PTCHD1: variants seen among roughly 807,000 people sequenced by gnomAD.
The protein encoded by PTCHD1 is patched domain containing 1.
In PTCHD1, 3 loss-of-function variants were observed where a neutral mutation model predicts 34.6. The ratio of observed to expected loss-of-function variants is 0.09; its 90% CI spans 0.04 to 0.22. The LOEUF is 0.22. Ranked by LOEUF, PTCHD1 falls within the 10% of genes least tolerant of loss-of-function variation. The pLI is 1.00. For missense variants in PTCHD1, 504 were observed against 685.5 expected (o/e 0.74, Z 2.96); for synonymous variants, 305 against 283.1 (o/e 1.08, Z -0.77).
At chrX:23,344,694 A>G (rs1436842856) in intron 1 of PTCHD1, among the ~76,000 whole-genome samples, 1 of 111,674 alleles carries the variant, frequency 9.0e-6, no homozygotes, top group Non-Finnish European at 1.9e-5. Context: ...CAGCACACCA[A>G]CGTGGTTCCT....
chrX:23,380,153 T>C lies in PTCHD1; in HGVS notation c.914T>C (p.Val305Ala), dbSNP rs1448151646. 8 of 1,211,478 alleles carry C rather than the reference T, an allele frequency of 6.6e-6. No individual in the cohort carries two copies. The highest frequency in any genetic ancestry group is 8.9e-6 in the Non-Finnish European group (8 of 895,267). The change falls in exon 2 of 3, where the codon GTG (valine) becomes GCG (alanine). Residue 305 changes from valine to alanine, a missense_variant. Coordinates refer to ENST00000379361, the MANE Select transcript of PTCHD1 (RefSeq NM_173495.3). The stretch of plus-strand genomic sequence containing the variant: ...CCCTGGCTAGGCCTGCTCGGATTGG[T>C]GACCATAAGCCTGGCCACTCTCACT... ...SKPWLGLLGL[V>A]TISLATLTAA...
chrX:23,351,411 T>C, intron 1 of PTCHD1: 1 of 598,954 alleles, frequency 1.7e-6, no homozygotes, highest in South Asian at 2.3e-5. Flanking sequence ...ACGAAAACTT[T>C]CAAAGATGAC....
chrX:23,397,898 A>G lies in PTCHD1; in HGVS notation c.*3713A>G, dbSNP rs1923029771. ...CCTCATAATGGCTTTATTCTTTTGG[A>G]TCCTATTAAAGTACCCCTGTAGCTT... On this transcript the variant is annotated 3_prime_UTR_variant, in exon 3 of 3. Coordinates refer to ENST00000379361, the MANE Select transcript of PTCHD1 (RefSeq NM_173495.3). 9.0e-6 allele frequency: 1 copy of G among 111,610 alleles called. No individual in the cohort carries two copies. The highest frequency in any genetic ancestry group is 3.8e-4 in the South Asian group (1 of 2,619). 9.2% of individuals were successfully genotyped at this position (111,610 alleles called of 1,213,427 possible). A position where few individuals can be genotyped will look rare whatever the true frequency, so the allele number is the denominator to read the frequency against.
intron 1 of PTCHD1, among the ~76,000 whole-genome samples, chrX:23,350,060 TA>T (rs57194123): frequency 0.031 from 1,240 of 40,321 alleles, 33 homozygotes; most frequent in African/African-American, 0.12. Context: ...TTAGTGCTGT[TA>T]AAAAAAAAAA....
chrX:23,357,643 A>G (rs191720421), intron 1 of PTCHD1, among the ~76,000 whole-genome samples: 7 of 109,215 alleles, frequency 6.4e-5, no homozygotes, highest in Non-Finnish European at 1.1e-4. Flanking sequence ...ATTTACCAAC[A>G]CAAACCACAG....
chrX:23,388,467 A>G (rs1262185199), intron 2 of PTCHD1, among the ~76,000 whole-genome samples: 1 of 112,319 alleles, frequency 8.9e-6, no homozygotes, highest in East Asian at 2.8e-4. Flanking sequence ...TCCACATGCA[A>G]TATCTGTTTG....
At chrX:23,348,703 C>G (rs1921546282) in intron 1 of PTCHD1, among the ~76,000 whole-genome samples, 1 of 111,229 alleles carries the variant, frequency 9.0e-6, no homozygotes, top group East Asian at 2.8e-4. Flanking sequence ...CAAAATTATG[C>G]TTCAAAGTGA....
chrX:23,361,394 T>C (rs934103219), intron 1 of PTCHD1, among the ~76,000 whole-genome samples: 1 of 111,914 alleles, frequency 8.9e-6, no homozygotes, highest in African/African-American at 3.2e-5. Context: ...ATCCTTTTAC[T>C]ATTATGTAAT....
At chrX:23,366,766 C>T (rs1922150791) in intron 1 of PTCHD1, among the ~76,000 whole-genome samples, 1 of 111,499 alleles carries the variant, frequency 9.0e-6, no homozygotes, top group African/African-American at 3.3e-5. Context: ...GAGGGCAGAA[C>T]CATGTTTGTC....
chrX:23,394,478 TAAGATC>T lies in PTCHD1; in HGVS notation c.*297_*302del. ...CTGGGAGACCTATAGTCTCTTAAAC[TAAGATC>T]AAGTAGAAGAAAGCTTATTAACAAG... is the stretch of plus-strand genomic sequence containing the variant. On this transcript the variant is annotated 3_prime_UTR_variant, in exon 3 of 3. Transcript: ENST00000379361. 1 of 212,206 alleles carries T rather than the reference TAAGATC, an allele frequency of 4.7e-6. No individual in the cohort carries two copies. The highest frequency in any genetic ancestry group is 8.2e-6 in the Non-Finnish European group (1 of 121,456). 17.5% of individuals were successfully genotyped at this position (212,206 alleles called of 1,213,427 possible). A position where few individuals can be genotyped will look rare whatever the true frequency, so the allele number is the denominator to read the frequency against.
chrX:23,390,581 G>A (rs1350419126), intron 2 of PTCHD1, among the ~76,000 whole-genome samples: 1 of 111,820 alleles, frequency 8.9e-6, no homozygotes, highest in African/African-American at 3.3e-5. Flanking sequence ...GAGTTTAGGT[G>A]CCTTCAATTT....
chrX:23,383,210 G>T (rs1439343626), intron 2 of PTCHD1, among the ~76,000 whole-genome samples: 1 of 112,115 alleles, frequency 8.9e-6, no homozygotes. Flanking sequence ...GATTTAGTAT[G>T]TTATATAAAT....
intron 2 of PTCHD1, among the ~76,000 whole-genome samples, chrX:23,384,464 A>G (rs1272071040): frequency 8.9e-6 from 1 of 112,184 alleles, no homozygotes; most frequent in African/African-American, 3.2e-5. Flanking sequence ...TAGGAAAAGA[A>G]TAATAGCAGG....
At chrX:23,362,204 T>A (rs961525619) in intron 1 of PTCHD1, among the ~76,000 whole-genome samples, 1 of 112,314 alleles carries the variant, frequency 8.9e-6, no homozygotes, top group Non-Finnish European at 1.9e-5. Flanking sequence ...CCTGCCTTTC[T>A]AGGTTAGGGA....
Position 23,334,900 on chromosome X carries a change from G to C in PTCHD1, c.25G>C (p.Gly9Arg), listed in dbSNP as rs1359874368. Residue 9 changes from glycine to arginine, a missense_variant, in exon 1 of 3, where the codon GGC becomes CGC. Coordinates refer to ENST00000379361, the MANE Select transcript of PTCHD1 (RefSeq NM_173495.3). Reference protein sequence around the residue: MLRQVLHRGLRTCFSRLGH... With the variant: MLRQVLHRRLRTCFSRLGH... ...GATGCTGCGGCAGGTTCTGCACAGG[G>C]GCTTGAGGACGTGTTTCTCCCGGCT... 1 of 1,200,285 alleles carries C rather than the reference G, an allele frequency of 8.3e-7. No homozygotes were observed.
chrX:23,334,599 G>A (rs1165981466), upstream of PTCHD1: 2 of 107,483 alleles, frequency 1.9e-5, no homozygotes, highest in South Asian at 3.9e-4. Flanking sequence ...AGGGCGGAGT[G>A]GGGGCGGCGC....
chrX:23,375,464 T>G (rs1480114828), intron 1 of PTCHD1, among the ~76,000 whole-genome samples: 1 of 111,060 alleles, frequency 9.0e-6, no homozygotes, highest in Non-Finnish European at 1.9e-5. Flanking sequence ...GCTAATTTTT[T>G]GTATTTTTAG....
chrX:23,371,449 C>T (rs1274262830), intron 1 of PTCHD1, among the ~76,000 whole-genome samples: 2 of 111,955 alleles, frequency 1.8e-5, no homozygotes, highest in African/African-American at 6.5e-5. Context: ...CAGTGAGGAA[C>T]ACATGTTGTA....
In PTCHD1 at chrX:23,399,262, A is replaced by G. The variant is rs1048114027; in HGVS notation, c.*5077A>G. ...AAACAGGAGACTATAATTGAAATCT[A>G]GTTTTTAGCCTCAATTCTTTCTCCA... On this transcript the variant is annotated 3_prime_UTR_variant, in exon 3 of 3. Coordinates refer to ENST00000379361, the MANE Select transcript of PTCHD1 (RefSeq NM_173495.3). 8.9e-6 allele frequency: 1 copy of G among 111,979 alleles called. No homozygotes were observed. The highest frequency in any genetic ancestry group is 3.3e-5 in the African/African-American group (1 of 30,766). 9.2% of individuals were successfully genotyped at this position (111,979 alleles called of 1,213,427 possible). A position where few individuals can be genotyped will look rare whatever the true frequency, so the allele number is the denominator to read the frequency against.
Sources: gnomAD v4.1 joint callset for allele counts (sites outside exome capture counted in the v4.1 genomes callset) on GRCh38, gnomAD v4.1.1 for gene constraint, MANE v1.5 for transcripts, NCBI Gene and HGNC (gene_info 2026-07-23, HGNC 2026-07-21) for gene names.